The following PHF24 variants were observed in gnomAD, a reference collection of about 807,000 sequenced individuals.
PHF24 encodes the protein PHD finger protein 24.
In PHF24, 25 loss-of-function variants were observed where a neutral mutation model predicts 42.6. The observed-to-expected ratio is 0.59, with a 90% CI of 0.43 to 0.82. The LOEUF (loss-of-function observed/expected upper bound fraction) is 0.82, where lower values mean the gene tolerates loss of function less well. PHF24 is among the 40% of genes least tolerant of loss of function. The probability of loss-of-function intolerance (pLI) is 0.00; values close to 1 mark genes in which losing one functional copy is unlikely to be tolerated. For missense variants in PHF24, 470 were observed against 538.1 expected (o/e 0.87, Z 1.25); for synonymous variants, 185 against 204.8 (o/e 0.90, Z 0.83).
the PHF24 span, among the ~76,000 whole-genome samples, chr9:34,737,806 A>G: frequency 1.3e-5 from 2 of 152,198 alleles, no homozygotes; most frequent in African/African-American, 4.8e-5. Flanking sequence ...ATAGTCCGAC[A>G]TGCTTTTACT....
chr9:34,743,638 T>C, the PHF24 span, among the ~76,000 whole-genome samples: 1 of 152,220 alleles, frequency 6.6e-6, no homozygotes, highest in Non-Finnish European at 1.5e-5. Flanking sequence ...GTGTCACTTT[T>C]ATATTTACAG....
At chr9:34,822,641 G>A in the PHF24 span, among the ~76,000 whole-genome samples, 1 of 152,130 alleles carries the variant, frequency 6.6e-6, no homozygotes, top group African/African-American at 2.4e-5. Context: ...ATATTGCAAT[G>A]GATGACAGTT....
chr9:34,702,259 C>T, the PHF24 span, among the ~76,000 whole-genome samples: 327 of 152,156 alleles, frequency 2.1e-3, 1 homozygote, highest in African/African-American at 7.6e-3. Flanking sequence ...AAAATTCAAC[C>T]CCCACTCCTG....
chr9:34,729,254 T>G, the PHF24 span: 6 of 1,544,502 alleles, frequency 3.9e-6, no homozygotes, highest in Non-Finnish European at 5.2e-6. Context: ...ATCTGAGGCT[T>G]AATTAGTTCA....
At chr9:34,863,755 A>G in the PHF24 span, among the ~76,000 whole-genome samples, 2 of 152,250 alleles carry the variant, frequency 1.3e-5, no homozygotes, top group Non-Finnish European at 2.9e-5. Context: ...ATCCACAAGC[A>G]TCAAGGCCAT....
the PHF24 span, among the ~76,000 whole-genome samples, chr9:34,741,784 G>T: frequency 6.6e-6 from 1 of 152,056 alleles, no homozygotes; most frequent in Non-Finnish European, 1.5e-5. Context: ...GTCCCTTTTC[G>T]TTGACTGTCC....
In PHF24 at chr9:34,965,369, C is replaced by T. The variant is rs148249137; in HGVS notation, c.-4-5926C>T. On this transcript the variant is annotated intron_variant, in intron 1 of 7. Coordinates refer to ENST00000242315, the Ensembl canonical transcript of PHF24. ...TGTCAATTCAAAATGACTTGATGGTCTTGTTTGGATTTTGATGGTTTACTG... is the reference window on the plus strand; with the variant it reads ...TGTCAATTCAAAATGACTTGATGGTTTTGTTTGGATTTTGATGGTTTACTG... Among the ~76,000 whole-genome samples, 41 of 152,300 alleles carry T rather than the reference C, an allele frequency of 2.7e-4. No individual in the cohort carries two copies. In the East Asian group the frequency reaches 5.4e-3, roughly 20 times the overall value.
the PHF24 span, among the ~76,000 whole-genome samples, chr9:34,947,373 C>T: frequency 1.3e-5 from 2 of 152,166 alleles, no homozygotes; most frequent in South Asian, 2.1e-4. Flanking sequence ...ACATTACTCA[C>T]GTGGTGGTGG....
chr9:34,933,187 GTCAA>G, the PHF24 span, among the ~76,000 whole-genome samples: 1 of 152,046 alleles, frequency 6.6e-6, no homozygotes, highest in African/African-American at 2.4e-5. Flanking sequence ...ATAAGTAGTA[GTCAA>G]TCAATAAATA....
chr9:34,863,247 G>T, the PHF24 span, among the ~76,000 whole-genome samples: 3 of 152,134 alleles, frequency 2.0e-5, no homozygotes, highest in Non-Finnish European at 4.4e-5. Flanking sequence ...TTTAGCACCT[G>T]CTGATTGTAG....
chr9:34,769,732 C>A, the PHF24 span, among the ~76,000 whole-genome samples: 1 of 152,006 alleles, frequency 6.6e-6, no homozygotes, highest in African/African-American at 2.4e-5. Flanking sequence ...ACAAACAGAG[C>A]AGAACAAAAT....
the PHF24 span, among the ~76,000 whole-genome samples, chr9:34,747,938 G>A: frequency 2.6e-5 from 4 of 152,128 alleles, no homozygotes; most frequent in African/African-American, 9.7e-5. Flanking sequence ...AGTAGATTGT[G>A]ACATATTCAT....
chr9:34,734,804 C>G, the PHF24 span, among the ~76,000 whole-genome samples: 1 of 152,216 alleles, frequency 6.6e-6, no homozygotes, highest in African/African-American at 2.4e-5. Context: ...AGAATCTCCC[C>G]ACCCTGACCA....
At chr9:34,727,112 G>A in the PHF24 span, 2 of 1,426,134 alleles carry the variant, frequency 1.4e-6, no homozygotes, top group South Asian at 1.5e-5. Flanking sequence ...CCATCTTGTT[G>A]TCTACCTGTC....
At chr9:34,939,755 A>G in the PHF24 span, among the ~76,000 whole-genome samples, 2 of 152,166 alleles carry the variant, frequency 1.3e-5, no homozygotes, top group Non-Finnish European at 1.5e-5. Flanking sequence ...ACTTCTACTC[A>G]GGGGACTGAG....
At chr9:34,772,824 C>T in the PHF24 span, among the ~76,000 whole-genome samples, 2 of 152,022 alleles carry the variant, frequency 1.3e-5, no homozygotes, top group Admixed American at 6.6e-5. Context: ...TCATGTTTAG[C>T]TTAATATAGA....
chr9:34,900,863 G>C, the PHF24 span, among the ~76,000 whole-genome samples: 2 of 152,108 alleles, frequency 1.3e-5, no homozygotes, highest in African/African-American at 4.8e-5. Flanking sequence ...GACACAGCAA[G>C]GAAGCCCTCA....
At chr9:34,945,248 C>T in the PHF24 span, among the ~76,000 whole-genome samples, 3 of 152,134 alleles carry the variant, frequency 2.0e-5, no homozygotes, top group South Asian at 2.1e-4. Flanking sequence ...GAACTATACC[C>T]GGAACTCCAT....
chr9:34,961,100 C>G (rs911787719), intron 1 of PHF24, among the ~76,000 whole-genome samples: 3 of 152,202 alleles, frequency 2.0e-5, no homozygotes. Context: ...ATTTCCCCGA[C>G]TCCTTGCAAT....
Sources: allele counts gnomAD v4.1 joint callset (sites outside exome capture counted in the v4.1 genomes callset), GRCh38; gene constraint gnomAD v4.1.1; transcripts MANE v1.5; gene names NCBI Gene and HGNC (gene_info 2026-07-23, HGNC 2026-07-21).